The following SLC4A4 variants were observed in gnomAD, a reference collection of about 807,000 sequenced individuals.
SLC4A4 encodes the protein electrogenic sodium bicarbonate cotransporter 1.
In SLC4A4, 27 loss-of-function variants were observed where a neutral mutation model predicts 111.5. The observed-to-expected ratio is 0.24, with a 90% CI of 0.18 to 0.33. SLC4A4 has a LOEUF of 0.33. Ranked by LOEUF, SLC4A4 falls within the 10% of genes least tolerant of loss-of-function variation. The pLI, the probability that SLC4A4 is intolerant of heterozygous loss-of-function variation, is 1.00. For synonymous variants in SLC4A4, 443 were observed against 463.4 expected (o/e 0.96, Z 0.57); for missense variants, 909 against 1,315.5 (o/e 0.69, Z 4.78).
At chr4:71,176,023 A>G (rs1184172829) in intron 2 of SLC4A4, among the ~76,000 whole-genome samples, 1 of 152,170 alleles carries the variant, frequency 6.6e-6, no homozygotes, top group East Asian at 1.9e-4. Context: ...GTTCACCAAT[A>G]TCCGCTGTTC....
chr4:71,086,039 T>G (rs572361708), intron 1 of SLC4A4, among the ~76,000 whole-genome samples: 5 of 152,064 alleles, frequency 3.3e-5, no homozygotes, highest in Non-Finnish European at 7.3e-5. Context: ...CCCATGAGCA[T>G]AGAATGTTCT....
chr4:71,557,463 G>A (rs1736574850), intron 21 of SLC4A4, among the ~76,000 whole-genome samples: 1 of 151,626 alleles, frequency 6.6e-6, no homozygotes. Flanking sequence ...TTTTCTTTGT[G>A]ACCTTATTCT....
intron 2 of SLC4A4, among the ~76,000 whole-genome samples, chr4:71,121,225 C>A (rs1012392293): frequency 6.6e-6 from 1 of 151,960 alleles, no homozygotes; most frequent in African/African-American, 2.4e-5. Context: ...CTCCCCCCTC[C>A]CCTTGGCTGT....
intron 4 of SLC4A4, among the ~76,000 whole-genome samples, chr4:71,345,133 A>G (rs1204915295): frequency 1.3e-5 from 2 of 152,148 alleles, no homozygotes; most frequent in African/African-American, 4.8e-5. Context: ...GAATATGGTA[A>G]AAAGGGTAGA....
intron 6 of SLC4A4, among the ~76,000 whole-genome samples, chr4:71,388,074 T>G (rs1363233771): frequency 6.6e-6 from 1 of 152,226 alleles, no homozygotes; most frequent in Non-Finnish European, 1.5e-5. Context: ...ACTTCTGTTA[T>G]GTTACACCGT....
intron 1 of SLC4A4, 59 bp from the exon 2 acceptor site, chr4:71,236,517 C>A: frequency 1.3e-6 from 2 of 1,507,430 alleles, no homozygotes; most frequent in South Asian, 1.1e-5. Flanking sequence ...CTGGGCTGCT[C>A]CAAGTGGCTC....
intron 7 of SLC4A4, among the ~76,000 whole-genome samples, chr4:71,432,601 T>C (rs1257063077): frequency 6.6e-6 from 1 of 152,144 alleles, no homozygotes; most frequent in East Asian, 1.9e-4. Context: ...ATTTTGTTTG[T>C]AGCATGTAAG....
intron 1 of SLC4A4, among the ~76,000 whole-genome samples, chr4:71,073,905 G>A (rs751410936): frequency 5.9e-5 from 9 of 151,958 alleles, no homozygotes; most frequent in Non-Finnish European, 1.2e-4. Context: ...GCAATATGGC[G>A]AAAACCTGTC....
At chr4:71,083,279 T>C (rs1742044282) in intron 1 of SLC4A4, among the ~76,000 whole-genome samples, 1 of 152,036 alleles carries the variant, frequency 6.6e-6, no homozygotes, top group Admixed American at 6.5e-5. Context: ...ACTTGTTTTT[T>C]TTTTCATTTA....
intron 16 of SLC4A4, among the ~76,000 whole-genome samples, chr4:71,529,099 AG>A (rs1222922513): frequency 6.6e-6 from 1 of 152,130 alleles, no homozygotes; most frequent in Non-Finnish European, 1.5e-5. Flanking sequence ...AAACTATAAA[AG>A]GAATTTTTAA....
intron 2 of SLC4A4, among the ~76,000 whole-genome samples, chr4:71,147,465 A>G (rs934511435): frequency 6.6e-6 from 1 of 152,036 alleles, no homozygotes; most frequent in Non-Finnish European, 1.5e-5. Flanking sequence ...TGGGGAAGCA[A>G]CCCACACACC....
Position 71,265,046 on chromosome 4 carries a change from T to C in SLC4A4, c.253+9647T>C, listed in dbSNP as rs560034171. ...ATTTTTTGCTCTTCGTGAAACTGAC[T>C]TTGGAAATCTGTCTATGCTATATTT... On this transcript the variant is annotated intron_variant, in intron 3 of 25. Coordinates refer to ENST00000264485, the MANE Select transcript of SLC4A4 (RefSeq NM_001098484.3). 5.9e-5 allele frequency among the ~76,000 whole-genome samples: 9 copies of C among 152,338 alleles called. No individual in the cohort carries two copies. In the South Asian group the frequency reaches 1.4e-3, roughly 25 times the overall value.
chr4:71,489,087 T>C (rs1289708488), intron 15 of SLC4A4, among the ~76,000 whole-genome samples: 2 of 151,694 alleles, frequency 1.3e-5, no homozygotes, highest in Non-Finnish European at 2.9e-5. Context: ...TAATGATCAA[T>C]TATTGAGGCA....
chr4:71,174,324 A>C (rs1745024935), intron 2 of SLC4A4, among the ~76,000 whole-genome samples: 1 of 150,380 alleles, frequency 6.6e-6, no homozygotes, highest in African/African-American at 2.5e-5. Flanking sequence ...ATCTCAGCTC[A>C]CTGCAGTCTC....
At chr4:71,247,450 C>T (rs2149050728) in intron 2 of SLC4A4, among the ~76,000 whole-genome samples, 1 of 151,876 alleles carries the variant, frequency 6.6e-6, no homozygotes, top group African/African-American at 2.4e-5. Context: ...ACCAAGGACC[C>T]TTCATCCTAT....
At chr4:71,361,371 GC>G (rs1277742686) in intron 6 of SLC4A4, among the ~76,000 whole-genome samples, 29 of 152,102 alleles carry the variant, frequency 1.9e-4, no homozygotes, top group Non-Finnish European at 5.9e-5. Context: ...TTAAAAAGGA[GC>G]AAAAAACATT....
chr4:71,371,767 A>T (rs371344264), intron 6 of SLC4A4, among the ~76,000 whole-genome samples: 7 of 151,870 alleles, frequency 4.6e-5, no homozygotes, highest in East Asian at 3.9e-4. Context: ...CTATCTACAT[A>T]AAAAAAAGCC....
At chr4:71,159,274 A>G (rs1275306060) in intron 2 of SLC4A4, among the ~76,000 whole-genome samples, 1 of 152,178 alleles carries the variant, frequency 6.6e-6, no homozygotes, top group Non-Finnish European at 1.5e-5. Flanking sequence ...CAATTTTTTA[A>G]TCTTACAACT....
At chr4:71,101,619 C>A (rs1212473667) in intron 2 of SLC4A4, among the ~76,000 whole-genome samples, 1 of 152,104 alleles carries the variant, frequency 6.6e-6, no homozygotes, top group Non-Finnish European at 1.5e-5. Flanking sequence ...GACCCCTGAC[C>A]CCCGAGCAGC....
Sources: gnomAD v4.1 joint callset for allele counts (sites outside exome capture counted in the v4.1 genomes callset) on GRCh38, gnomAD v4.1.1 for gene constraint, MANE v1.5 for transcripts, NCBI Gene and HGNC (gene_info 2026-07-23, HGNC 2026-07-21) for gene names.